Variants in ST3GAL4 observed in about 807,000 individuals in gnomAD.
ST3GAL4 encodes ST3 beta-galactoside alpha-2,3-sialyltransferase 4.
In ST3GAL4, 24 loss-of-function variants were observed where a neutral mutation model predicts 42.6. The ratio of observed to expected loss-of-function variants is 0.56; its 90% confidence interval spans 0.41 to 0.79. The LOEUF is 0.79. ST3GAL4 is among the 30% of genes least tolerant of loss of function. The pLI is 0.00. For missense variants in ST3GAL4, 311 were observed against 430.8 expected (o/e 0.72, Z 2.46); for synonymous variants, 135 against 163.2 (o/e 0.83, Z 1.32).
chr11:126,406,296 C>T lies in ST3GAL4; in HGVS notation c.16+125C>T, dbSNP rs1037205499. On this transcript the variant is annotated intron_variant, in intron 2 of 10. Transcript: ENST00000444328. The surrounding 1 kb of genome is among the most constrained non-coding windows in gnomAD (Gnocchi z 5.4). ...GGGAGCCAGGGGCCCTTCTCTTCAT[C>T]TTGAAGGACAGTGGGTACAATCAGG... is the stretch of plus-strand genomic sequence containing the variant. 2.0e-5 allele frequency: 31 copies of T among 1,543,582 alleles called. No homozygotes were observed. In the African/African-American group the frequency reaches 3.6e-4, roughly 18 times the overall value.
At chr11:126,403,836 G>C (rs149039322) in intron 1 of ST3GAL4, among the ~76,000 whole-genome samples, 38 of 152,234 alleles carry the variant, frequency 2.5e-4, no homozygotes, top group Non-Finnish European at 5.4e-4. Context: ...GCAAATCCCC[G>C]CCTGCCCTGC....
intron 1 of ST3GAL4, among the ~76,000 whole-genome samples, chr11:126,368,920 A>C (rs1952531549): frequency 6.6e-6 from 1 of 151,606 alleles, no homozygotes; most frequent in African/African-American, 2.4e-5. Context: ...TAACACACAC[A>C]CCCCTCCCCC....
chr11:126,381,104 G>T (rs1394076734), intron 1 of ST3GAL4, among the ~76,000 whole-genome samples: 1 of 152,210 alleles, frequency 6.6e-6, no homozygotes, highest in Non-Finnish European at 1.5e-5. Context: ...CCTGCCCCTA[G>T]CCCAGAGCTG....
At chr11:126,364,827 A>G (rs1277429861) in intron 1 of ST3GAL4, among the ~76,000 whole-genome samples, 1 of 151,432 alleles carries the variant, frequency 6.6e-6, no homozygotes, top group Non-Finnish European at 1.5e-5. Flanking sequence ...CACCCCCATC[A>G]GAGGGCCTGT....
At position 126,406,039 on chromosome 11, in the gene ST3GAL4, T is replaced by C. The variant is rs1954212277; in HGVS notation, c.-60-57T>C. The C allele has an allele frequency of 3.9e-6, 6 of 1,537,438 alleles. No individual in the cohort carries two copies. Among genetic ancestry groups the C allele is most frequent in the Non-Finnish European group, 5.3e-6 (6 of 1,135,178 alleles). On this transcript the variant is annotated intron_variant, in intron 1 of 10. Transcript: ENST00000444328. The surrounding 1 kb of genome is among the most constrained non-coding windows in gnomAD (Gnocchi z 5.4). Reference sequence around the variant, plus strand: ...AGACAGTGGGTGTGTCCTGCTCCAGTGTCTAGGCAGGAGAGTTTGTGAAGC... The same window carrying C: ...AGACAGTGGGTGTGTCCTGCTCCAGCGTCTAGGCAGGAGAGTTTGTGAAGC...
chr11:126,406,667 C>T lies in ST3GAL4; in HGVS notation c.101+110C>T. ...AGGGCAGGAAGGTTCCAAGAGCCGG[C>T]ACATGACCTCATCCCTTCAGCTGCT... On this transcript the variant is annotated intron_variant, in intron 3 of 10. Coordinates refer to ENST00000444328, the MANE Select transcript of ST3GAL4 (RefSeq NM_001254757.2). The surrounding 1 kb of genome is among the most constrained non-coding windows in gnomAD (Gnocchi z 5.4). 1 of 1,357,702 alleles carries T rather than the reference C, an allele frequency of 7.4e-7. No homozygotes were observed. Among genetic ancestry groups the T allele is most frequent in the South Asian group, 1.3e-5 (1 of 78,510 alleles). The allele number at this position is 1,357,702 out of a possible 1,614,324, so 84.1% of individuals were successfully genotyped here. A position where few individuals can be genotyped will look rare whatever the true frequency, so the allele number is the denominator to read the frequency against.
chr11:126,386,734 A>G lies in ST3GAL4; in HGVS notation c.-60-19362A>G, dbSNP rs1953239917. ...ACAAACACCGGTGGGTGGCTCTGCC[A>G]GCTTCCCCTGGGGTGCTTCTGGCAA... is the stretch of plus-strand genomic sequence containing the variant. On this transcript the variant is annotated intron_variant, in intron 1 of 10. Transcript: ENST00000444328. This position sits in a 1 kb window ranked among gnomAD's most constrained non-coding sequence, Gnocchi z 4.7. Among the ~76,000 whole-genome samples, 1 of 152,166 alleles carries G rather than the reference A, an allele frequency of 6.6e-6. No individual in the cohort carries two copies. Among genetic ancestry groups the G allele is most frequent in the South Asian group, 2.1e-4 (1 of 4,828 alleles).
At chr11:126,367,597 G>A (rs1306931469) in intron 1 of ST3GAL4, among the ~76,000 whole-genome samples, 4 of 152,200 alleles carry the variant, frequency 2.6e-5, no homozygotes, top group Non-Finnish European at 4.4e-5. Context: ...AAACCAGGAT[G>A]TGTTTTGAGG....
At position 126,412,609 on chromosome 11, in the gene ST3GAL4, A is replaced by C. The variant is rs751910260; in HGVS notation, c.772-896A>C. Among the ~76,000 whole-genome samples the C allele has an allele frequency of 2.0e-5, 3 of 152,222 alleles. 1 individual carries two copies. Among genetic ancestry groups the C allele is most frequent in the Non-Finnish European group, 2.9e-5 (2 of 68,032 alleles). ...GTAATCCCAGCGCTTTGGGAGGCAGAGGTGGGTGGATCGCTTGAGCCCAGG... is the reference window on the plus strand; with the variant it reads ...GTAATCCCAGCGCTTTGGGAGGCAGCGGTGGGTGGATCGCTTGAGCCCAGG... On this transcript the variant is annotated intron_variant, in intron 9 of 10. Coordinates refer to ENST00000444328, the MANE Select transcript of ST3GAL4 (RefSeq NM_001254757.2).
intron 1 of ST3GAL4, among the ~76,000 whole-genome samples, chr11:126,405,064 C>T (rs11220476): frequency 0.15 from 23,253 of 152,228 alleles, 2,640 homozygotes; most frequent in East Asian, 0.6. Flanking sequence ...CTGTCCCAGG[C>T]CATACTCAGG....
chr11:126,400,372 C>G lies in ST3GAL4; in HGVS notation c.-60-5724C>G, dbSNP rs897248674. 2.6e-4 allele frequency among the ~76,000 whole-genome samples: 39 copies of G among 152,218 alleles called. No individual in the cohort carries two copies. Among genetic ancestry groups the G allele is most frequent in the African/African-American group, 9.4e-4 (39 of 41,456 alleles). ...GAGCAGAGCCCCATGATCTAAACAC[C>G]TTTTATTAGGCCCTGCTTATACTGT... On this transcript the variant is annotated intron_variant, in intron 1 of 10. Transcript: ENST00000444328. The surrounding 1 kb of genome is among the most constrained non-coding windows in gnomAD (Gnocchi z 4.6).
At chr11:126,407,659 C>A in intron 6 of ST3GAL4, 25 bp downstream of exon 6, 1 of 1,613,136 alleles carries the variant, frequency 6.2e-7, no homozygotes, top group South Asian at 1.1e-5. Flanking sequence ...CGACTCCAGT[C>A]TGGGCACCTT....
chr11:126,399,301 C>CTTTTT (rs58479155), intron 1 of ST3GAL4, among the ~76,000 whole-genome samples: 2,998 of 87,564 alleles, frequency 0.034, 85 homozygotes, highest in East Asian at 0.088. Context: ...TTCTTTCCTT[C>CTTTTT]TTTTTTTTTT....
Position 126,406,322 on chromosome 11 carries a change from G to A in ST3GAL4, c.16+151G>A, listed in dbSNP as rs959999316. ...TTGAAGGACAGTGGGTACAATCAGG[G>A]TCAAGCCCTCAGCCAGGGCCAGGAG... On this transcript the variant is annotated intron_variant, in intron 2 of 10. Coordinates refer to ENST00000444328, the MANE Select transcript of ST3GAL4 (RefSeq NM_001254757.2). The surrounding 1 kb of genome is among the most constrained non-coding windows in gnomAD (Gnocchi z 5.4). 1.4e-5 allele frequency: 21 copies of A among 1,539,656 alleles called. No homozygotes were observed. The Admixed American group carries it at 4.0e-4, about 29-fold the overall frequency.
chr11:126,399,069 A>G (rs1953895221), intron 1 of ST3GAL4, among the ~76,000 whole-genome samples: 1 of 152,152 alleles, frequency 6.6e-6, no homozygotes, highest in African/African-American at 2.4e-5. Flanking sequence ...CTCTGGCTTC[A>G]TTCTTATTGT....
In ST3GAL4 at chr11:126,355,735, C is replaced by G. The variant is rs926410210; in HGVS notation, c.-168C>G. 1 of 151,774 alleles carries G rather than the reference C, an allele frequency of 6.6e-6. No individual in the cohort carries two copies. Among genetic ancestry groups the G allele is most frequent in the Non-Finnish European group, 1.5e-5 (1 of 67,836 alleles). 9.4% of individuals were successfully genotyped at this position (151,774 alleles called of 1,614,324 possible). A position where few individuals can be genotyped will look rare whatever the true frequency, so the allele number is the denominator to read the frequency against. On this transcript the variant is annotated 5_prime_UTR_variant, in exon 1 of 11. Coordinates refer to ENST00000444328, the MANE Select transcript of ST3GAL4 (RefSeq NM_001254757.2). This position sits in a 1 kb window ranked among gnomAD's most constrained non-coding sequence, Gnocchi z 7.1. ...GCCGGACCCGCGCCCGGGACAGGGA[C>G]CCGGCCGAGTCGAGCCGTCGCGCCA...
At chr11:126,361,217 G>C (rs995783614) in intron 1 of ST3GAL4, among the ~76,000 whole-genome samples, 29 of 152,188 alleles carry the variant, frequency 1.9e-4, no homozygotes, top group Admixed American at 2.0e-4. Flanking sequence ...CCCTCACTTG[G>C]GTCCTGAGAG....
chr11:126,407,947 C>A, intron 6 of ST3GAL4, 152 bp from the exon 7 acceptor site: 1 of 878,992 alleles, frequency 1.1e-6, no homozygotes, highest in Non-Finnish European at 1.7e-6. Flanking sequence ...TCAGCATGAC[C>A]CTAAGCAGGA....
intron 5 of ST3GAL4, 106 bp from the exon 6 acceptor site, chr11:126,407,466 CAG>C (rs1954292126): frequency 6.4e-7 from 1 of 1,563,574 alleles, no homozygotes. Context: ...GTACCAGGGT[CAG>C]GGGAAGAAGA....
Sources: gnomAD v4.1 joint callset for allele counts (sites outside exome capture counted in the v4.1 genomes callset) on GRCh38, gnomAD v4.1.1 for gene constraint, Gnocchi (gnomAD v3.1) non-coding constraint, MANE v1.5 for transcripts, NCBI Gene and HGNC (gene_info 2026-07-23, HGNC 2026-07-21) for gene names.